NRG1: variants seen among roughly 807,000 people sequenced by gnomAD.
NRG1 encodes the protein pro-neuregulin-1, membrane-bound isoform.
In NRG1, 18 loss-of-function variants were observed where a neutral mutation model predicts 63.8. That is an observed-to-expected ratio of 0.28 (90% CI 0.19 to 0.42). NRG1 has a LOEUF of 0.42. Among genes scored for constraint, NRG1 ranks in the 10% least tolerant of loss-of-function variants. NRG1 has a pLI of 1.00. For missense variants in NRG1, 762 were observed against 814.7 expected, an observed-to-expected ratio of 0.94 and a Z score of 0.79; for synonymous variants, 302 against 301.3, an observed-to-expected ratio of 1.00 and a Z score of -0.02.
At chr8:32,476,003 C>T (rs1014006785) in intron 1 of NRG1, among the ~76,000 whole-genome samples, 4 of 151,880 alleles carry the variant, frequency 2.6e-5, no homozygotes, top group Admixed American at 1.3e-4. Context: ...CCTATCTTGC[C>T]GAAGAGTAGT....
At chr8:32,678,796 C>T (rs924934224) in intron 5 of NRG1, among the ~76,000 whole-genome samples, 1 of 152,110 alleles carries the variant, frequency 6.6e-6, no homozygotes, top group African/African-American at 2.4e-5. Flanking sequence ...GCACAGCACC[C>T]AGACTAGTAC....
chr8:31,972,383 T>TCGGC (rs1807438575), intron 1 of NRG1, among the ~76,000 whole-genome samples: 1 of 152,198 alleles, frequency 6.6e-6, no homozygotes, highest in South Asian at 2.1e-4. Context: ...TTCCCAGGAC[T>TCGGC]TTTATCTCCA....
At chr8:31,906,894 A>G (rs1832561661) in intron 1 of NRG1, among the ~76,000 whole-genome samples, 1 of 152,206 alleles carries the variant, frequency 6.6e-6, no homozygotes, top group Non-Finnish European at 1.5e-5. Flanking sequence ...CCACAATCTC[A>G]GTCTATGAAA....
At chr8:32,544,088 T>G (rs1832827584), upstream of NRG1, among the ~76,000 whole-genome samples, 1 of 152,186 alleles carries the variant, frequency 6.6e-6, no homozygotes, top group Non-Finnish European at 1.5e-5. Context: ...CTATTTATAG[T>G]GATATTATGT....
chr8:32,340,500 A>G (rs1803933985), intron 1 of NRG1, among the ~76,000 whole-genome samples: 1 of 152,168 alleles, frequency 6.6e-6, no homozygotes, highest in African/African-American at 2.4e-5. Flanking sequence ...AGTAAAATAT[A>G]CTTCTTTCTG....
chr8:32,353,954 C>G (rs536023814), intron 1 of NRG1, among the ~76,000 whole-genome samples: 3 of 152,062 alleles, frequency 2.0e-5, no homozygotes, highest in African/African-American at 7.2e-5. Flanking sequence ...AAACAAATTG[C>G]GGCATATACA....
chr8:32,171,761 T>A (rs1840074314), intron 1 of NRG1, among the ~76,000 whole-genome samples: 1 of 151,964 alleles, frequency 6.6e-6, no homozygotes. Context: ...AGCACAGCAG[T>A]TTGAGATCAA....
intron 1 of NRG1, among the ~76,000 whole-genome samples, chr8:32,082,016 G>A (rs1827531399): frequency 6.6e-6 from 1 of 152,032 alleles, no homozygotes; most frequent in South Asian, 2.1e-4. Flanking sequence ...CAGTATTGCT[G>A]GCAGAAGAAA....
At chr8:31,708,129 G>A (rs1052430335) in intron 1 of NRG1, among the ~76,000 whole-genome samples, 1 of 152,066 alleles carries the variant, frequency 6.6e-6, no homozygotes, top group Non-Finnish European at 1.5e-5. Context: ...CTTAAGACAC[G>A]CATTTCTCAG....
At chr8:31,662,825 T>A (rs1207635461) in intron 1 of NRG1, among the ~76,000 whole-genome samples, 3 of 152,188 alleles carry the variant, frequency 2.0e-5, no homozygotes, top group African/African-American at 7.2e-5. Context: ...AAGAACTTAT[T>A]GTTGGGATGA....
chr8:31,639,354 G>A (rs1195218195), exon 1 of NRG1: 37 of 1,533,674 alleles, frequency 2.4e-5, no homozygotes, highest in Non-Finnish European at 3.1e-5. Context: ...GGGACGCCCA[G>A]GAGGACCCAC....
intron 5 of NRG1, among the ~76,000 whole-genome samples, chr8:32,623,688 G>A (rs901454774): frequency 2.0e-5 from 3 of 152,164 alleles, no homozygotes; most frequent in African/African-American, 7.2e-5. Flanking sequence ...ATTCATAGGT[G>A]CAAGCAAGTT....
chr8:32,010,855 C>T (rs1356536758), intron 1 of NRG1, among the ~76,000 whole-genome samples: 1 of 152,054 alleles, frequency 6.6e-6, no homozygotes, highest in Non-Finnish European at 1.5e-5. Context: ...TCTTGCAGAA[C>T]TTAATGTACC....
At chr8:32,574,072 T>G (rs1402511565) in intron 1 of NRG1, among the ~76,000 whole-genome samples, 2 of 152,208 alleles carry the variant, frequency 1.3e-5, no homozygotes, top group African/African-American at 2.4e-5. Flanking sequence ...TTTGGGTTGG[T>G]GCCAAGTCTT....
intron 5 of NRG1, among the ~76,000 whole-genome samples, chr8:32,636,567 G>C (rs1851376031): frequency 6.6e-6 from 1 of 152,108 alleles, no homozygotes; most frequent in African/African-American, 2.4e-5. Context: ...AACAGAATAA[G>C]CTTAGCATCT....
intron 1 of NRG1, among the ~76,000 whole-genome samples, chr8:31,914,844 C>G (rs965215999): frequency 2.2e-4 from 33 of 151,764 alleles, no homozygotes; most frequent in Admixed American, 1.2e-3. Context: ...TAACTGAAAC[C>G]TGGAAGAATT....
At chr8:32,755,428 G>A (rs1829496754) in intron 8 of NRG1, among the ~76,000 whole-genome samples, 1 of 152,132 alleles carries the variant, frequency 6.6e-6, no homozygotes, top group African/African-American at 2.4e-5. Flanking sequence ...CCAAAGCATG[G>A]ATTGTATTTT....
chr8:32,750,289 G>A (rs1349123702), intron 7 of NRG1, among the ~76,000 whole-genome samples: 3 of 152,116 alleles, frequency 2.0e-5, no homozygotes, highest in East Asian at 3.9e-4. Context: ...TAATCAAATA[G>A]AAAATTTCAC....
intron 6 of NRG1, among the ~76,000 whole-genome samples, chr8:32,738,290 G>A (rs759405823): frequency 1.1e-4 from 16 of 151,756 alleles, no homozygotes; most frequent in Non-Finnish European, 2.4e-4. Context: ...CCTAAGTTCA[G>A]AAAAAACTGT....
Sources: gnomAD v4.1 joint callset for allele counts (sites outside exome capture counted in the v4.1 genomes callset) on GRCh38, gnomAD v4.1.1 for gene constraint, MANE v1.5 for transcripts, NCBI Gene and HGNC (gene_info 2026-07-23, HGNC 2026-07-21) for gene names.